ZFHX3: variants seen among roughly 807,000 people sequenced by gnomAD.
The protein encoded by ZFHX3 is zinc finger homeobox protein 3.
In ZFHX3, 42 loss-of-function variants were observed where a neutral mutation model predicts 279.1. The observed-to-expected ratio is 0.15, with a 90% CI of 0.12 to 0.19. The LOEUF (loss-of-function observed/expected upper bound fraction) is 0.19. Ranked by LOEUF, ZFHX3 falls within the 10% of genes least tolerant of loss-of-function variation. The pLI is 1.00. For missense variants in ZFHX3, 4,981 were observed against 4,754.0 expected (o/e 1.05, Z -1.40); for synonymous variants, 2,293 against 1,957.8 (o/e 1.17, Z -4.52).
intron 2 of ZFHX3, among the ~76,000 whole-genome samples, chr16:73,641,767 G>A (rs11859479): frequency 6.6e-6 from 1 of 152,130 alleles, no homozygotes; most frequent in Non-Finnish European, 1.5e-5. Context: ...TAGGATTGGG[G>A]TGGGAGATGG....
chr16:73,447,288 CAAAG>C (rs1180524029), intron 3 of ZFHX3, among the ~76,000 whole-genome samples: 2 of 151,328 alleles, frequency 1.3e-5, no homozygotes, highest in African/African-American at 2.4e-5. Flanking sequence ...AACAGTCAAA[CAAAG>C]AAAATGGTAG....
chr16:73,860,537 A>C (rs1212858024), intron 1 of ZFHX3, among the ~76,000 whole-genome samples: 1 of 152,206 alleles, frequency 6.6e-6, no homozygotes, highest in African/African-American at 2.4e-5. Context: ...TTTCAATACA[A>C]ATGCATCACA....
chr16:73,021,700 G>A (rs1166879839), intron 1 of ZFHX3, among the ~76,000 whole-genome samples: 6 of 151,770 alleles, frequency 4.0e-5, no homozygotes, highest in South Asian at 2.1e-4. Flanking sequence ...GTGTGGTGGC[G>A]GGCACCTATA....
intron 4 of ZFHX3, among the ~76,000 whole-genome samples, chr16:72,878,408 C>T (rs901507412): frequency 1.3e-5 from 2 of 152,204 alleles, no homozygotes; most frequent in African/African-American, 4.8e-5. Context: ...CAGGGCCAAT[C>T]AGATCAGGGC....
chr16:72,922,674 C>A (rs1309619527), intron 3 of ZFHX3, among the ~76,000 whole-genome samples: 1 of 152,190 alleles, frequency 6.6e-6, no homozygotes, highest in East Asian at 1.9e-4. Flanking sequence ...TCGTACCTGG[C>A]TTTCTTCCTT....
intron 5 of ZFHX3, among the ~76,000 whole-genome samples, chr16:73,150,813 C>A (rs957198034): frequency 2.0e-5 from 3 of 152,218 alleles, no homozygotes; most frequent in Admixed American, 2.0e-4. Context: ...TACATTTTAA[C>A]CCTTAACATG....
intron 2 of ZFHX3, among the ~76,000 whole-genome samples, chr16:73,486,375 C>T (rs1440367095): frequency 6.6e-6 from 1 of 152,252 alleles, no homozygotes; most frequent in Non-Finnish European, 1.5e-5. Flanking sequence ...TGCTCCCACC[C>T]TGTGGAGTGT....
intron 3 of ZFHX3, among the ~76,000 whole-genome samples, chr16:73,417,643 G>C (rs1408285232): frequency 6.6e-6 from 1 of 151,364 alleles, no homozygotes; most frequent in Non-Finnish European, 1.5e-5. Context: ...ATTTTTTGTT[G>C]TCTAAAATAA....
chr16:73,079,394 A>AT (rs1328667654), intron 8 of ZFHX3, among the ~76,000 whole-genome samples: 1 of 152,122 alleles, frequency 6.6e-6, no homozygotes, highest in Non-Finnish European at 1.5e-5. Flanking sequence ...GAATGGTGGC[A>AT]CATGCCTGTA....
intron 6 of ZFHX3, among the ~76,000 whole-genome samples, chr16:73,136,526 C>G (rs539139733): frequency 6.6e-6 from 1 of 152,002 alleles, no homozygotes; most frequent in African/African-American, 2.4e-5. Flanking sequence ...GAGTTCGAGA[C>G]CAGCCTGGCA....
At chr16:72,951,688 C>T (rs1454146654) in intron 2 of ZFHX3, among the ~76,000 whole-genome samples, 3 of 152,160 alleles carry the variant, frequency 2.0e-5, no homozygotes, top group Non-Finnish European at 4.4e-5. Context: ...GTCACAGCTG[C>T]AATCGTAACA....
chr16:73,308,746 CAT>C (rs1386702609), intron 4 of ZFHX3, among the ~76,000 whole-genome samples: 8 of 151,866 alleles, frequency 5.3e-5, no homozygotes, highest in Non-Finnish European at 1.2e-4. Flanking sequence ...TTTGAGAAGA[CAT>C]ATGAGTATTA....
intron 1 of ZFHX3, among the ~76,000 whole-genome samples, chr16:73,807,401 G>T (rs1960307010): frequency 6.6e-6 from 1 of 151,954 alleles, no homozygotes; most frequent in South Asian, 2.1e-4. Context: ...AAATGCCAGA[G>T]ATATGTTTTA....
At chr16:72,871,543 C>T (rs1470983123) in intron 4 of ZFHX3, among the ~76,000 whole-genome samples, 4 of 151,790 alleles carry the variant, frequency 2.6e-5, no homozygotes, top group East Asian at 2.0e-4. Flanking sequence ...GGTTTCACCA[C>T]GTTGGCCAGA....
intron 3 of ZFHX3, among the ~76,000 whole-genome samples, chr16:72,904,701 C>A (rs117300136): frequency 6.6e-6 from 1 of 152,154 alleles, no homozygotes; most frequent in Non-Finnish European, 1.5e-5. Flanking sequence ...ACATCTCCTA[C>A]GGCAGGCTGG....
At chr16:73,720,448 G>A (rs1016324147) in intron 1 of ZFHX3, among the ~76,000 whole-genome samples, 3 of 152,104 alleles carry the variant, frequency 2.0e-5, no homozygotes, top group Non-Finnish European at 2.9e-5. Flanking sequence ...ACTGTTAAAT[G>A]GTGACATAAA....
intron 4 of ZFHX3, among the ~76,000 whole-genome samples, chr16:72,876,997 T>G (rs2038331989): frequency 6.6e-6 from 1 of 152,180 alleles, no homozygotes; most frequent in Non-Finnish European, 1.5e-5. Context: ...ATTTCCCAAT[T>G]AGCCCTGTAA....
At chr16:73,850,611 AGCTCTGGG>A (rs1305004715) in intron 1 of ZFHX3, among the ~76,000 whole-genome samples, 2 of 152,090 alleles carry the variant, frequency 1.3e-5, no homozygotes, top group East Asian at 3.9e-4. Context: ...TCCCAGGGGA[AGCTCTGGG>A]GCATAAATTG....
intron 2 of ZFHX3, among the ~76,000 whole-genome samples, chr16:73,528,241 T>A (rs2019729064): frequency 6.6e-6 from 1 of 152,208 alleles, no homozygotes; most frequent in South Asian, 2.1e-4. Flanking sequence ...ATTTATGAGT[T>A]TTGTGGAAGA....
Sources: allele counts gnomAD v4.1 joint callset (sites outside exome capture counted in the v4.1 genomes callset), GRCh38; gene constraint gnomAD v4.1.1; transcripts MANE v1.5; gene names NCBI Gene and HGNC (gene_info 2026-07-23, HGNC 2026-07-21).